ARID4B: variants seen among roughly 807,000 people sequenced by gnomAD.
ARID4B encodes the protein AT-rich interaction domain 4B.
In ARID4B, 26 loss-of-function variants were observed where a neutral mutation model predicts 147.5. That is an observed-to-expected ratio of 0.18 (90% CI 0.13 to 0.24). The LOEUF (loss-of-function observed/expected upper bound fraction) is 0.24. ARID4B is among the 10% of genes least tolerant of loss of function. ARID4B has a pLI of 1.00. For synonymous variants in ARID4B, 512 were observed against 507.9 expected (o/e 1.01, Z -0.11); for missense variants, 1,179 against 1,511.5 (o/e 0.78, Z 3.65).
At chr1:235,283,471 C>A (rs1671788405) in intron 2 of ARID4B, among the ~76,000 whole-genome samples, 1 of 152,132 alleles carries the variant, frequency 6.6e-6, no homozygotes, top group African/African-American at 2.4e-5. Flanking sequence ...ATAGTAGTTA[C>A]CTCTGTAACG....
intron 23 of ARID4B, 125 bp from the exon 24 acceptor site, chr1:235,168,777 A>T: frequency 3.0e-6 from 3 of 995,922 alleles, no homozygotes; most frequent in South Asian, 1.7e-5. Flanking sequence ...TTACAACAAC[A>T]GTGGTCAATT....
chr1:235,252,845 A>AT, intron 5 of ARID4B, 36 bp from the exon 6 acceptor site: 1 of 1,566,220 alleles, frequency 6.4e-7, no homozygotes, highest in Non-Finnish European at 8.7e-7. Flanking sequence ...CTACTGAAGG[A>AT]TTTTTTCAAA....
chr1:235,169,268 G>T (rs539444235), intron 23 of ARID4B, among the ~76,000 whole-genome samples: 1 of 150,330 alleles, frequency 6.7e-6, no homozygotes, highest in Non-Finnish European at 1.5e-5. Flanking sequence ...ACAAAGTCTC[G>T]CTCTGTCTGT....
intron 20 of ARID4B, among the ~76,000 whole-genome samples, chr1:235,179,706 CTTTTT>C (rs144417289): frequency 0.13 from 20,177 of 150,784 alleles, 1,544 homozygotes; most frequent in African/African-American, 0.2. Flanking sequence ...AAGATATCCT[CTTTTT>C]TTTTGTTGTT....
intron 13 of ARID4B, 60 bp from the exon 14 acceptor site, chr1:235,221,722 T>C (rs940515631): frequency 1.1e-6 from 1 of 912,950 alleles, no homozygotes; most frequent in African/African-American, 1.7e-5. Flanking sequence ...AATAACATTT[T>C]GATAGACACA....
Position 235,168,172 on chromosome 1 carries a change from G to C in ARID4B, c.*353C>G, listed in dbSNP as rs1265811178. ...TGTTCCAGCTTTAACAAAATACAAG[G>C]GAATACATATACAGTAAGTTATCTT... is the stretch of plus-strand genomic sequence containing the variant. On this transcript the variant is annotated 3_prime_UTR_variant, in exon 24 of 24. Coordinates refer to ENST00000264183, the MANE Select transcript of ARID4B (RefSeq NM_016374.6). 4.4e-6 allele frequency: 1 copy of C among 227,950 alleles called. No individual in the cohort carries two copies. The highest frequency in any genetic ancestry group is 5.7e-5 in the Admixed American group (1 of 17,674). The allele number at this position is 227,950 out of a possible 1,614,324, so 14.1% of individuals were successfully genotyped here.
intron 16 of ARID4B, among the ~76,000 whole-genome samples, chr1:235,215,258 T>C (rs1054852138): frequency 6.6e-6 from 1 of 152,150 alleles, no homozygotes; most frequent in Non-Finnish European, 1.5e-5. Flanking sequence ...TCTTCAATCA[T>C]AAATCTTTCC....
chr1:235,225,188 A>T lies in ARID4B; in HGVS notation c.898-413T>A, dbSNP rs562344624. Among the ~76,000 whole-genome samples the T allele has an allele frequency of 5.3e-5, 8 of 152,306 alleles. 1 individual carries two copies. The South Asian group carries it at 1.7e-3, about 32-fold the overall frequency. ...GTTAAACATCAAAACTAATTCTATT[A>T]TTGCTCCTCAAGGTACTATAAAAGT... On this transcript the variant is annotated intron_variant, in intron 11 of 23. Coordinates refer to ENST00000264183, the MANE Select transcript of ARID4B (RefSeq NM_016374.6).
At chr1:235,298,455 T>TTA (rs1050547774) in intron 2 of ARID4B, among the ~76,000 whole-genome samples, 5 of 149,936 alleles carry the variant, frequency 3.3e-5, no homozygotes, top group Non-Finnish European at 5.9e-5. Context: ...CCGTATTACA[T>TTA]TATATATATC....
intron 2 of ARID4B, among the ~76,000 whole-genome samples, chr1:235,273,505 A>C (rs192835599): frequency 7.3e-4 from 111 of 152,366 alleles, no homozygotes; most frequent in African/African-American, 2.6e-3. Context: ...AAAAGAAAAA[A>C]GCTGCCAATT....
intron 2 of ARID4B, among the ~76,000 whole-genome samples, chr1:235,278,623 T>C (rs1671486718): frequency 6.6e-6 from 1 of 152,192 alleles, no homozygotes; most frequent in Non-Finnish European, 1.5e-5. Flanking sequence ...TTTACTTATC[T>C]TAAAAACAGA....
At chr1:235,320,112 C>T (rs1450699474) in intron 2 of ARID4B, among the ~76,000 whole-genome samples, 6 of 147,154 alleles carry the variant, frequency 4.1e-5, no homozygotes, top group African/African-American at 1.5e-4. Context: ...GGGTAACGAG[C>T]GAAACTCCGT....
At chr1:235,301,151 G>A (rs1048656673) in intron 2 of ARID4B, among the ~76,000 whole-genome samples, 3 of 146,792 alleles carry the variant, frequency 2.0e-5, no homozygotes, top group African/African-American at 7.7e-5. Flanking sequence ...CTCCCAAAGT[G>A]TTGGGATTAT....
chr1:235,312,925 A>G (rs1674166976), intron 2 of ARID4B, among the ~76,000 whole-genome samples: 1 of 152,174 alleles, frequency 6.6e-6, no homozygotes, highest in Admixed American at 6.5e-5. Context: ...CTGAGCCAAG[A>G]TTGCACCACT....
At chr1:235,278,153 C>A (rs937047937) in intron 2 of ARID4B, among the ~76,000 whole-genome samples, 2 of 152,144 alleles carry the variant, frequency 1.3e-5, no homozygotes, top group African/African-American at 4.8e-5. Flanking sequence ...CAGAACTAAA[C>A]AGACTCAATT....
At chr1:235,246,578 A>G in intron 6 of ARID4B, 67 bp from the exon 7 acceptor site, 2 of 1,104,788 alleles carry the variant, frequency 1.8e-6, no homozygotes, top group South Asian at 2.8e-5. Flanking sequence ...GTTTTAAACC[A>G]AATCAATTTA....
At position 235,219,856 on chromosome 1, in the gene ARID4B, G is replaced by T; in HGVS notation, c.1520C>A (p.Thr507Lys). 1.2e-6 allele frequency: 2 copies of T among 1,608,984 alleles called. No individual in the cohort carries two copies. Among genetic ancestry groups the T allele is most frequent in the Non-Finnish European group, 1.7e-6 (2 of 1,178,526 alleles). Residue 507 changes from threonine to lysine, a missense_variant, in exon 16 of 24, where the codon ACA becomes AAA. Transcript: ENST00000264183. ...NENLDDKDDD[T>K]TRVDESLNIK... is the part of the protein sequence containing the mutation. ...GTTGAGGGATTCATCTACCCTAGTT[G>T]TGTCATCATCTTTGTCATCCAGATT...
At chr1:235,302,359 G>A (rs184115786) in intron 2 of ARID4B, among the ~76,000 whole-genome samples, 1 of 150,188 alleles carries the variant, frequency 6.7e-6, no homozygotes, top group African/African-American at 2.5e-5. Context: ...GGAGGGAAAG[G>A]AGTGGGGACA....
intron 2 of ARID4B, among the ~76,000 whole-genome samples, chr1:235,298,163 G>A (rs1672877035): frequency 6.6e-6 from 1 of 152,166 alleles, no homozygotes; most frequent in South Asian, 2.1e-4. Context: ...GGAGAAAGGA[G>A]AGAAGAGGGG....
Sources: allele counts gnomAD v4.1 joint callset (sites outside exome capture counted in the v4.1 genomes callset), GRCh38; gene constraint gnomAD v4.1.1; transcripts MANE v1.5; gene names NCBI Gene and HGNC (gene_info 2026-07-23, HGNC 2026-07-21).